Variants in TNKS observed in about 807,000 individuals in gnomAD.
The protein encoded by TNKS is tankyrase, also known as poly [ADP-ribose] polymerase tankyrase-1.
TNKS carries 72 observed loss-of-function variants against 135.8 expected under a neutral mutation model. The ratio of observed to expected loss-of-function variants is 0.53; its 90% CI spans 0.44 to 0.64. The LOEUF is 0.64. Among genes scored for constraint, TNKS ranks in the 30% least tolerant of loss-of-function variants. The pLI is 0.00. For synonymous variants in TNKS, 849 were observed against 649.3 expected, an observed-to-expected ratio of 1.31 and a Z score of -4.68; for missense variants, 1,769 against 1,674.0, an observed-to-expected ratio of 1.06 and a Z score of -0.99.
intron 12 of TNKS, among the ~76,000 whole-genome samples, chr8:9,721,165 C>T (rs7462115): frequency 0.7 from 105,655 of 151,014 alleles, 37,529 homozygotes; most frequent in Admixed American, 0.8. Flanking sequence ...CTTGTAGCCC[C>T]AGCTACTTGG....
rs1175078616 is a variant in TNKS, at chr8:9,777,374, C to G, written c.*638C>G. 2.0e-5 allele frequency: 3 copies of G among 152,348 alleles called. No individual in the cohort carries two copies. The highest frequency in any genetic ancestry group is 7.2e-5 in the African/African-American group (3 of 41,416). 9.4% of individuals were successfully genotyped at this position (152,348 alleles called of 1,614,324 possible). On this transcript the variant is annotated 3_prime_UTR_variant, in exon 27 of 27. Transcript: ENST00000310430. ...GCTCTGTAGCTGCACTTCTCGTTAT[C>G]ATAAATTGAGATGAAAAGGAAAAAA...
In TNKS at chr8:9,653,547, C is replaced by T. The variant is rs182903049; in HGVS notation, c.995-26404C>T. Among the ~76,000 whole-genome samples, 84 of 151,838 alleles carry T rather than the reference C, an allele frequency of 5.5e-4. 1 individual carries two copies. The highest frequency in any genetic ancestry group is 1.7e-3 in the African/African-American group (72 of 41,432). ...AAGGGGAAGTGGGCACAAGCAAAGA[C>T]GCCAAGCATGAGAGGCAACCACACT... On this transcript the variant is annotated intron_variant, in intron 3 of 26. Transcript: ENST00000310430.
At chr8:9,606,154 G>T (rs1001518920) in intron 2 of TNKS, among the ~76,000 whole-genome samples, 1,729 of 108,420 alleles carry the variant, frequency 0.016, 2 homozygotes, top group South Asian at 0.03. Context: ...GTTATTTTGT[G>T]TTTTTTTTTT....
At chr8:9,714,868 A>C (rs1021647186) in intron 11 of TNKS, among the ~76,000 whole-genome samples, 1 of 152,230 alleles carries the variant, frequency 6.6e-6, no homozygotes, top group East Asian at 1.9e-4. Flanking sequence ...TAAAACCAGC[A>C]GTTGGAAAGA....
rs1355882250 is a variant in TNKS at position 9,782,095 on chromosome 8, G to A, written c.*5359G>A. 2.0e-5 allele frequency: 3 copies of A among 152,324 alleles called. No homozygotes were observed. Among genetic ancestry groups the A allele is most frequent in the Non-Finnish European group, 4.4e-5 (3 of 68,012 alleles). The allele number at this position is 152,324 out of a possible 1,614,324, so 9.4% of individuals were successfully genotyped here. ...CTAAATCTGGCAATCCTACAGCTGT[G>A]GTCATGGGAAATCACCTACAGCATG... On this transcript the variant is annotated 3_prime_UTR_variant, in exon 27 of 27. Transcript: ENST00000310430.
intron 25 of TNKS, among the ~76,000 whole-genome samples, chr8:9,766,893 T>TGACA (rs1403903404): frequency 6.6e-6 from 1 of 152,174 alleles, no homozygotes; most frequent in Non-Finnish European, 1.5e-5. Flanking sequence ...CAGCCTCTTC[T>TGACA]GACAGGAGCA....
chr8:9,657,800 C>G (rs1254886451), intron 3 of TNKS, among the ~76,000 whole-genome samples: 2 of 150,334 alleles, frequency 1.3e-5, no homozygotes, highest in Non-Finnish European at 1.5e-5. Context: ...ACCTCCCTCC[C>G]GGATGGGGCG....
intron 3 of TNKS, among the ~76,000 whole-genome samples, chr8:9,674,926 G>T (rs1802473333): frequency 6.6e-6 from 1 of 152,170 alleles, no homozygotes; most frequent in Non-Finnish European, 1.5e-5. Context: ...ATCATAATGA[G>T]TAGAAATATC....
chr8:9,621,636 C>T (rs927204047), intron 3 of TNKS, among the ~76,000 whole-genome samples: 4 of 152,000 alleles, frequency 2.6e-5, no homozygotes, highest in Admixed American at 6.6e-5. Context: ...TGCTGTTTTG[C>T]ACGTTAGCTA....
At chr8:9,714,252 T>TA (rs948838832) in intron 11 of TNKS, among the ~76,000 whole-genome samples, 1 of 152,078 alleles carries the variant, frequency 6.6e-6, no homozygotes, top group African/African-American at 2.4e-5. Context: ...CTCCACTTTC[T>TA]AGTTTTGTGA....
At chr8:9,556,672 G>A (rs1241960957) in intron 1 of TNKS, 60 bp downstream of exon 1, 2 of 1,596,278 alleles carry the variant, frequency 1.3e-6, no homozygotes, top group African/African-American at 1.3e-5. Context: ...GTCCGGTTAG[G>A]ACAAGAAAAC....
At chr8:9,699,979 A>T (rs562244770) in intron 5 of TNKS, among the ~76,000 whole-genome samples, 2 of 152,314 alleles carry the variant, frequency 1.3e-5, no homozygotes, top group South Asian at 4.1e-4. Flanking sequence ...TGGATTCTTC[A>T]CACAACCTGG....
At chr8:9,683,319 T>C (rs1802860570) in intron 5 of TNKS, among the ~76,000 whole-genome samples, 1 of 152,062 alleles carries the variant, frequency 6.6e-6, no homozygotes, top group South Asian at 2.1e-4. Flanking sequence ...TCCTAGTAGA[T>C]ATGTAGTCCT....
At chr8:9,619,893 C>T (rs1394336257) in intron 3 of TNKS, among the ~76,000 whole-genome samples, 1 of 151,572 alleles carries the variant, frequency 6.6e-6, no homozygotes, top group Middle Eastern at 3.2e-3. Context: ...ACCCTGACCA[C>T]CTAGCTTTGA....
intron 21 of TNKS, among the ~76,000 whole-genome samples, chr8:9,761,847 C>G (rs1807165243): frequency 6.6e-6 from 1 of 152,148 alleles, no homozygotes; most frequent in Non-Finnish European, 1.5e-5. Context: ...ACTTTGTATC[C>G]TCAATTTTTC....
intron 1 of TNKS, among the ~76,000 whole-genome samples, chr8:9,566,892 G>C (rs1797566242): frequency 6.6e-6 from 1 of 152,110 alleles, no homozygotes; most frequent in South Asian, 2.1e-4. Context: ...ACAGGCGTGA[G>C]CCACCGCGCC....
intron 3 of TNKS, among the ~76,000 whole-genome samples, chr8:9,657,623 T>C (rs756779390): frequency 0.95 from 59,253 of 62,414 alleles, 28,147 homozygotes; most frequent in Non-Finnish European, 0.98. Context: ...ACCTCCCTCC[T>C]GGACGGGGCG....
At chr8:9,593,509 C>T (rs536787235) in intron 2 of TNKS, among the ~76,000 whole-genome samples, 6 of 152,180 alleles carry the variant, frequency 3.9e-5, no homozygotes, top group African/African-American at 1.4e-4. Flanking sequence ...CTTTTAAAAC[C>T]GTATCATATT....
In TNKS at chr8:9,776,797, G is replaced by A. The variant is rs1021125834; in HGVS notation, c.*61G>A. The A allele has an allele frequency of 8.6e-5, 129 of 1,493,810 alleles. No individual in the cohort carries two copies. Among genetic ancestry groups the A allele is most frequent in the Non-Finnish European group, 1.1e-4 (118 of 1,074,012 alleles). 92.5% of individuals were successfully genotyped at this position (1,493,810 alleles called of 1,614,324 possible). A position where few individuals can be genotyped will look rare whatever the true frequency, so the allele number is the denominator to read the frequency against. ...ACCTGGGACTGGATTACAGAGGATTGTTTCTAATAACAACATCAATATTCT... is the reference window on the plus strand; with the variant it reads ...ACCTGGGACTGGATTACAGAGGATTATTTCTAATAACAACATCAATATTCT... On this transcript the variant is annotated 3_prime_UTR_variant, in exon 27 of 27. Coordinates refer to ENST00000310430, the MANE Select transcript of TNKS (RefSeq NM_003747.3).
Sources: gnomAD v4.1 joint callset for allele counts (sites outside exome capture counted in the v4.1 genomes callset) on GRCh38, gnomAD v4.1.1 for gene constraint, MANE v1.5 for transcripts, NCBI Gene and HGNC (gene_info 2026-07-23, HGNC 2026-07-21) for gene names.